TMEM177: variants seen among roughly 807,000 people sequenced by gnomAD.
TMEM177 encodes transmembrane protein 177.
Under a neutral mutation model 14.2 loss-of-function variants are expected in TMEM177, and 4 were observed. That is an observed-to-expected ratio of 0.28 (90% confidence interval 0.14 to 0.64). TMEM177 has a LOEUF of 0.64. Ranked by LOEUF, TMEM177 falls within the 30% of genes least tolerant of loss-of-function variation. TMEM177 has a pLI of 0.82. For missense variants in TMEM177, 344 were observed against 405.2 expected (o/e 0.85, Z 1.30); for synonymous variants, 179 against 174.5 (o/e 1.03, Z -0.20).
chr2:119,716,478 G>A, the TMEM177 span, among the ~76,000 whole-genome samples: 1 of 152,186 alleles, frequency 6.6e-6, no homozygotes, highest in Non-Finnish European at 1.5e-5. Flanking sequence ...GGCTGCACTT[G>A]CCACGCCAGG....
chr2:119,680,983 T>C lies in TMEM177; in HGVS notation c.130T>C (p.Trp44Arg). The change falls in exon 2 of 2, where the codon TGG (tryptophan) becomes CGG (arginine). Residue 44 changes from tryptophan to arginine, a missense_variant. Physicochemically the swap from Trp to Arg is moderately radical, Grantham distance 101. Transcript: ENST00000272521. ...CCTCTTCCCGGATCCCGTGGTCCAA[T>C]GGCTCTACCAGTACTGGCCTCAGGG... ...YHLFPDPVVQ[W>R]LYQYWPQGQP... is the part of the protein sequence containing the mutation. The C allele has an allele frequency of 1.9e-6, 3 of 1,614,216 alleles. No individual in the cohort carries two copies. Among genetic ancestry groups the C allele is most frequent in the South Asian group, 1.1e-5 (1 of 91,084 alleles).
At chr2:119,719,471 C>T in the TMEM177 span, among the ~76,000 whole-genome samples, 6 of 152,294 alleles carry the variant, frequency 3.9e-5, no homozygotes, top group Admixed American at 3.9e-4. Context: ...GGGTGCTGCC[C>T]CGGCCTCGTC....
the TMEM177 span, among the ~76,000 whole-genome samples, chr2:119,707,105 G>A: frequency 6.6e-6 from 1 of 151,948 alleles, no homozygotes; most frequent in Non-Finnish European, 1.5e-5. Flanking sequence ...TAGAGACAGG[G>A]TTTCGCCATG....
the TMEM177 span, among the ~76,000 whole-genome samples, chr2:119,718,112 T>A: frequency 6.6e-6 from 1 of 152,110 alleles, no homozygotes; most frequent in Non-Finnish European, 1.5e-5. Flanking sequence ...AAGCAGAATT[T>A]TTATCTTAAA....
At chr2:119,703,117 C>T in the TMEM177 span, among the ~76,000 whole-genome samples, 4 of 152,370 alleles carry the variant, frequency 2.6e-5, no homozygotes, top group South Asian at 2.1e-4. Flanking sequence ...AGCGCCTCCT[C>T]GCTTTACTAG....
chr2:119,695,336 C>G, the TMEM177 span, among the ~76,000 whole-genome samples: 7 of 152,332 alleles, frequency 4.6e-5, no homozygotes, highest in Admixed American at 1.3e-4. Flanking sequence ...CTTGTGGTTA[C>G]GAGCCCTCCC....
chr2:119,692,759 G>A, the TMEM177 span, among the ~76,000 whole-genome samples: 1 of 152,030 alleles, frequency 6.6e-6, no homozygotes, highest in African/African-American at 2.4e-5. Context: ...GATCACTTGA[G>A]GTCAAGAGTT....
At chr2:119,720,035 A>G in the TMEM177 span, among the ~76,000 whole-genome samples, 1 of 152,100 alleles carries the variant, frequency 6.6e-6, no homozygotes, top group African/African-American at 2.4e-5. Context: ...ACCTCAAGCA[A>G]TCCTCCCACC....
the TMEM177 span, among the ~76,000 whole-genome samples, chr2:119,694,178 AAC>A: frequency 5.0e-5 from 7 of 139,856 alleles, no homozygotes; most frequent in South Asian, 2.2e-4. Context: ...ACAACACACA[AAC>A]ACACCACACA....
chr2:119,700,492 T>C, the TMEM177 span, among the ~76,000 whole-genome samples: 1,146 of 152,336 alleles, frequency 7.5e-3, 1 homozygote, highest in Non-Finnish European at 0.012. Flanking sequence ...GGTCTTCTGA[T>C]ATATATTCTC....
At chr2:119,714,730 C>T in the TMEM177 span, among the ~76,000 whole-genome samples, 1 of 152,232 alleles carries the variant, frequency 6.6e-6, no homozygotes, top group African/African-American at 2.4e-5. Flanking sequence ...TCACTGCAAG[C>T]CCCAGGGGGC....
In TMEM177 at chr2:119,681,095, A is replaced by G. The variant is rs116339558; in HGVS notation, c.242A>G (p.Lys81Arg). The change falls in exon 2 of 2, where the codon AAG becomes AGG. Residue 81 changes from lysine (K) to arginine (R), a missense_variant. Lys to Arg is a conservative substitution (Grantham distance 26). Coordinates refer to ENST00000272521, the MANE Select transcript of TMEM177 (RefSeq NM_030577.3). Reference sequence around the variant, plus strand: ...GGTGTTCCTTCAGGCCATTGCTACAAGCCCTTCACCACCTTCACCTTCCAA... The same window carrying G: ...GGTGTTCCTTCAGGCCATTGCTACAGGCCCTTCACCACCTTCACCTTCCAA... ...DIGVPSGHCY[K>R]PFTTFTFQPV... 3.4e-4 allele frequency: 553 copies of G among 1,614,230 alleles called. 2 individuals carry two copies. In the African/African-American group the frequency reaches 6.8e-3, roughly 20 times the overall value.
At chr2:119,684,273 C>T (rs1574270623), downstream of TMEM177, among the ~76,000 whole-genome samples, 4 of 152,238 alleles carry the variant, frequency 2.6e-5, 1 homozygote, top group South Asian at 8.3e-4. Context: ...GCCCGGTGCT[C>T]AGTTATTTAG....
the TMEM177 span, among the ~76,000 whole-genome samples, chr2:119,715,378 C>T: frequency 6.6e-6 from 1 of 152,072 alleles, no homozygotes; most frequent in African/African-American, 2.4e-5. Flanking sequence ...AGAGCAAGAC[C>T]CTGCCTCAAA....
At chr2:119,713,563 G>T in the TMEM177 span, among the ~76,000 whole-genome samples, 5 of 152,302 alleles carry the variant, frequency 3.3e-5, no homozygotes, top group Middle Eastern at 6.8e-3. Flanking sequence ...CATCTGGCCT[G>T]GCATGATGGC....
At chr2:119,697,642 C>T in the TMEM177 span, among the ~76,000 whole-genome samples, 1 of 152,154 alleles carries the variant, frequency 6.6e-6, no homozygotes, top group East Asian at 1.9e-4. Flanking sequence ...GCCCCCCTTC[C>T]CAGAAAACTA....
At chr2:119,706,053 C>T in the TMEM177 span, among the ~76,000 whole-genome samples, 1 of 70,376 alleles carries the variant, frequency 1.4e-5, no homozygotes, top group African/African-American at 5.2e-5. Context: ...GAGGCAGAGT[C>T]TCGCTCTGTC....
the TMEM177 span, among the ~76,000 whole-genome samples, chr2:119,704,045 A>T: frequency 0.033 from 5,077 of 152,308 alleles, 299 homozygotes; most frequent in African/African-American, 0.11. Context: ...CTTTGTATTT[A>T]AAAAAAGGCA....
the TMEM177 span, among the ~76,000 whole-genome samples, chr2:119,691,710 C>T: frequency 6.6e-6 from 1 of 152,126 alleles, no homozygotes; most frequent in Non-Finnish European, 1.5e-5. Flanking sequence ...GGGGAGGCCC[C>T]AGAGGTCCTG....
Sources: allele counts gnomAD v4.1 joint callset (sites outside exome capture counted in the v4.1 genomes callset), GRCh38; gene constraint gnomAD v4.1.1; transcripts MANE v1.5; gene names NCBI Gene and HGNC (gene_info 2026-07-23, HGNC 2026-07-21).